PPP2R2B: variants seen among roughly 807,000 people sequenced by gnomAD.
PPP2R2B encodes serine/threonine-protein phosphatase 2A 55 kDa regulatory subunit B beta isoform.
In PPP2R2B, 5 loss-of-function variants were observed where a neutral mutation model predicts 46.0. That is an observed-to-expected ratio of 0.11 (90% CI 0.06 to 0.23). The LOEUF is 0.23. Among genes scored for constraint, PPP2R2B ranks in the 10% least tolerant of loss-of-function variants. PPP2R2B has a pLI of 1.00. For synonymous variants in PPP2R2B, 215 were observed against 206.7 expected (o/e 1.04, Z -0.34); for missense variants, 367 against 575.0 (o/e 0.64, Z 3.70).
At chr5:146,860,225 T>C (rs1391880633) in intron 2 of PPP2R2B, among the ~76,000 whole-genome samples, 98 of 152,224 alleles carry the variant, frequency 6.4e-4, no homozygotes, top group Non-Finnish European at 1.3e-4. Context: ...CATGCTATTT[T>C]AAGTATACAT....
rs1279703400 is a variant in PPP2R2B at position 146,976,107 on chromosome 5, ATTTATTATT to A, written c.79+79549_79+79557del. ...ACCTAAAAGTTTCATTTTTTAAAAA[ATTTATTATT>A]ATTATTATTATTATTATTATTATTA... On this transcript the variant is annotated intron_variant, in intron 1 of 8. Coordinates refer to the PPP2R2B transcript ENST00000336640. Among the ~76,000 whole-genome samples the A allele has an allele frequency of 7.5e-4, 82 of 109,938 alleles. 2 individuals carry two copies. The highest frequency in any genetic ancestry group is 2.8e-3 in the African/African-American group (79 of 28,568). The allele number at this position is 109,938 out of a possible 152,430, so 72.1% of individuals were successfully genotyped here. A position where few individuals can be genotyped will look rare whatever the true frequency, so the allele number is the denominator to read the frequency against.
chr5:146,741,109 C>A (rs1752851944), intron 2 of PPP2R2B, among the ~76,000 whole-genome samples: 1 of 151,842 alleles, frequency 6.6e-6, no homozygotes, highest in Non-Finnish European at 1.5e-5. Flanking sequence ...GAATGGGGAT[C>A]TAGGCATCCG....
chr5:146,953,785 G>A (rs573265220), intron 1 of PPP2R2B, among the ~76,000 whole-genome samples: 77 of 152,156 alleles, frequency 5.1e-4, no homozygotes, highest in African/African-American at 1.6e-3. Flanking sequence ...AATAGGTTTC[G>A]GTGACTATCG....
At chr5:146,952,403 C>T (rs1271896753) in intron 1 of PPP2R2B, among the ~76,000 whole-genome samples, 1 of 152,042 alleles carries the variant, frequency 6.6e-6, no homozygotes, top group Non-Finnish European at 1.5e-5. Flanking sequence ...AATCAGGATG[C>T]CTTGAATGTG....
intron 2 of PPP2R2B, among the ~76,000 whole-genome samples, chr5:146,747,671 C>T (rs1339572211): frequency 1.3e-5 from 2 of 152,076 alleles, no homozygotes; most frequent in Non-Finnish European, 2.9e-5. Flanking sequence ...AATCTGATTC[C>T]AAGGTTTGGG....
chr5:146,888,894 T>C (rs1277869966), intron 1 of PPP2R2B, among the ~76,000 whole-genome samples: 2 of 152,220 alleles, frequency 1.3e-5, no homozygotes, highest in Non-Finnish European at 2.9e-5. Context: ...GATACCTTCC[T>C]TGACTACTCT....
intron 1 of PPP2R2B, among the ~76,000 whole-genome samples, chr5:146,923,124 CT>C (rs570720175): frequency 2.0e-5 from 3 of 152,110 alleles, no homozygotes; most frequent in Non-Finnish European, 4.4e-5. Flanking sequence ...GTCTAAATTT[CT>C]TTTTTTGTTT....
At chr5:146,966,421 C>T (rs1561545602) in intron 1 of PPP2R2B, among the ~76,000 whole-genome samples, 1 of 152,122 alleles carries the variant, frequency 6.6e-6, no homozygotes, top group South Asian at 2.1e-4. Flanking sequence ...TCTATCTTCG[C>T]GCAGTTGTCA....
intron 5 of PPP2R2B, among the ~76,000 whole-genome samples, chr5:146,670,241 CTCAT>C (rs1292751982): frequency 6.6e-6 from 1 of 152,056 alleles, no homozygotes; most frequent in Non-Finnish European, 1.5e-5. Context: ...TCAGATTTTT[CTCAT>C]TCAGAGATTC....
chr5:147,023,278 A>G lies in PPP2R2B; in HGVS notation c.79+32387T>C, dbSNP rs115851630. Among the ~76,000 whole-genome samples, 888 of 152,326 alleles carry G rather than the reference A, an allele frequency of 5.8e-3. 10 individuals are homozygous for G. Among genetic ancestry groups the G allele is most frequent in the African/African-American group, 0.02 (842 of 41,592 alleles). On this transcript the variant is annotated intron_variant, in intron 1 of 8. Transcript: ENST00000336640. ...AAAACGAAAACCAAAACAAAGAGGT[A>G]TAGCAAGGAATTCAGTAGAGGAGAT...
intron 1 of PPP2R2B, among the ~76,000 whole-genome samples, chr5:146,995,888 T>G (rs1311793880): frequency 1.3e-5 from 2 of 152,270 alleles, no homozygotes; most frequent in South Asian, 2.1e-4. Flanking sequence ...GTGCCAGAAC[T>G]TCATAAGGTT....
At chr5:146,856,547 G>C (rs1319178340) in intron 2 of PPP2R2B, 1 of 1,612,740 alleles carries the variant, frequency 6.2e-7, no homozygotes. Flanking sequence ...CTTCATTATT[G>C]GGCCACTATT....
At chr5:146,803,528 A>T (rs1756991266) in intron 2 of PPP2R2B, among the ~76,000 whole-genome samples, 1 of 152,184 alleles carries the variant, frequency 6.6e-6, no homozygotes, top group Non-Finnish European at 1.5e-5. Context: ...GTATCAGGAG[A>T]AAAAAACACA....
At chr5:146,999,203 G>T (rs1274574791) in intron 1 of PPP2R2B, among the ~76,000 whole-genome samples, 2 of 152,044 alleles carry the variant, frequency 1.3e-5, no homozygotes, top group Non-Finnish European at 2.9e-5. Flanking sequence ...AGAAGATGAG[G>T]CTCCTGCCAT....
chr5:146,974,404 G>A (rs979716413), intron 1 of PPP2R2B, among the ~76,000 whole-genome samples: 2 of 152,252 alleles, frequency 1.3e-5, no homozygotes, highest in Non-Finnish European at 2.9e-5. Flanking sequence ...CCAGTTGAAG[G>A]TCACATAGGC....
At chr5:146,626,180 C>G (rs1774051481) in intron 7 of PPP2R2B, among the ~76,000 whole-genome samples, 1 of 151,866 alleles carries the variant, frequency 6.6e-6, no homozygotes, top group Non-Finnish European at 1.5e-5. Flanking sequence ...GAAGCTAATA[C>G]AGAGAGAAAG....
At chr5:147,052,722 G>A (rs1756890320) in intron 1 of PPP2R2B, among the ~76,000 whole-genome samples, 1 of 152,170 alleles carries the variant, frequency 6.6e-6, no homozygotes, top group South Asian at 2.1e-4. Context: ...GCGGGGCTCA[G>A]AATATGCAGG....
chr5:146,745,032 T>C (rs1284357858), intron 2 of PPP2R2B, among the ~76,000 whole-genome samples: 1 of 152,110 alleles, frequency 6.6e-6, no homozygotes, highest in Non-Finnish European at 1.5e-5. Context: ...GGAAAATAGA[T>C]AATTGACCAA....
Position 146,602,022 on chromosome 5 carries a change from C to T in PPP2R2B, c.791-1562G>A, listed in dbSNP as rs1771837787. On this transcript the variant is annotated intron_variant, in intron 7 of 9. Transcript: ENST00000394411. ...ATGTATAGAGTATATCTCGATATTT[C>T]CCACTTCTATTCATTGCCTGATTCT... is the stretch of plus-strand genomic sequence containing the variant. Among the ~76,000 whole-genome samples the T allele has an allele frequency of 2.0e-5, 3 of 152,266 alleles. No homozygotes were observed. In the South Asian group the frequency reaches 6.2e-4, roughly 32 times the overall value.
Sources: allele counts gnomAD v4.1 joint callset (sites outside exome capture counted in the v4.1 genomes callset), GRCh38; gene constraint gnomAD v4.1.1; transcripts MANE v1.5; gene names NCBI Gene and HGNC (gene_info 2026-07-23, HGNC 2026-07-21).